The following CLVS1 variants were observed in gnomAD, a reference collection of about 807,000 sequenced individuals.
CLVS1 encodes the protein clavesin-1.
CLVS1 carries 10 observed loss-of-function variants against 33.1 expected under a neutral mutation model. That is an observed-to-expected ratio of 0.30 (90% CI 0.19 to 0.51). The LOEUF (loss-of-function observed/expected upper bound fraction) is 0.51, where lower values mean the gene tolerates loss of function less well. Among genes scored for constraint, CLVS1 ranks in the 20% least tolerant of loss-of-function variants. The pLI is 0.97. For synonymous variants in CLVS1, 163 were observed against 166.1 expected (o/e 0.98, Z 0.14); for missense variants, 343 against 433.4 (o/e 0.79, Z 1.85).
At chr8:61,021,523 T>TC in the CLVS1 span, among the ~76,000 whole-genome samples, 1 of 151,636 alleles carries the variant, frequency 6.6e-6, no homozygotes, top group African/African-American at 2.4e-5. Context: ...GCTAATTTTT[T>TC]TTTTTTTTTT....
At chr8:61,272,296 G>T (rs893265628) in intron 2 of CLVS1, among the ~76,000 whole-genome samples, 3 of 152,172 alleles carry the variant, frequency 2.0e-5, no homozygotes, top group East Asian at 1.9e-4. Flanking sequence ...GAAAATTCTT[G>T]TCTTTAAGAA....
chr8:61,308,381 T>C (rs1360724058), intron 2 of CLVS1, among the ~76,000 whole-genome samples: 1 of 151,802 alleles, frequency 6.6e-6, no homozygotes, highest in Non-Finnish European at 1.5e-5. Flanking sequence ...AGCCCCTGAG[T>C]GGTTAGATGT....
chr8:61,322,121 C>T (rs4033641), intron 2 of CLVS1, among the ~76,000 whole-genome samples: 2 of 152,124 alleles, frequency 1.3e-5, no homozygotes, highest in Non-Finnish European at 2.9e-5. Context: ...ACCAAGTACC[C>T]TAAACATCCC....
intron 1 of CLVS1, among the ~76,000 whole-genome samples, chr8:61,291,694 C>G (rs147367827): frequency 6.6e-6 from 1 of 152,292 alleles, no homozygotes; most frequent in African/African-American, 2.4e-5. Context: ...CCCTCCCTCT[C>G]TCTAAATTTC....
At chr8:61,220,374 T>C (rs1001882600) in intron 2 of CLVS1, among the ~76,000 whole-genome samples, 1 of 152,200 alleles carries the variant, frequency 6.6e-6, no homozygotes, top group Non-Finnish European at 1.5e-5. Context: ...GTTTTCTTCA[T>C]ATAGCTAGCC....
rs1006309824 is a variant in CLVS1 at position 61,069,110 on chromosome 8, G to T, written c.-243+11880G>T. ...GCCTCCCAAGTAGTTGGAATTATAG[G>T]TGCGCACCATCATGCTTGGCTAATT... On this transcript the variant is annotated intron_variant, in intron 1 of 2. Coordinates refer to the CLVS1 transcript ENST00000522621. 3.9e-5 allele frequency among the ~76,000 whole-genome samples: 6 copies of T among 152,222 alleles called. No homozygotes were observed. In the Middle Eastern group the frequency reaches 0.017, roughly 431 times the overall value.
chr8:61,499,816 T>C lies in CLVS1; in HGVS notation c.*274T>C, dbSNP rs748465535. The stretch of plus-strand genomic sequence containing the variant: ...AAGATTCTCCCTCCTTTCATATTTA[T>C]TGTAGTAAATTGAAAAAATAAAGAC... On this transcript the variant is annotated 3_prime_UTR_variant, in exon 6 of 6. Coordinates refer to ENST00000325897, the MANE Select transcript of CLVS1 (RefSeq NM_173519.3). The C allele has an allele frequency of 7.9e-6, 2 of 251,928 alleles. No individual in the cohort carries two copies. Among genetic ancestry groups the C allele is most frequent in the East Asian group, 1.4e-4 (2 of 14,522 alleles). The allele number at this position is 251,928 out of a possible 1,614,324, so 15.6% of individuals were successfully genotyped here. A position where few individuals can be genotyped will look rare whatever the true frequency, so the allele number is the denominator to read the frequency against.
chr8:60,990,685 A>G, the CLVS1 span, among the ~76,000 whole-genome samples: 1 of 151,690 alleles, frequency 6.6e-6, no homozygotes, highest in East Asian at 1.9e-4. Flanking sequence ...CTTATTCATC[A>G]CCTATATTAA....
chr8:61,385,035 G>A (rs913811965), intron 3 of CLVS1, among the ~76,000 whole-genome samples: 6 of 152,130 alleles, frequency 3.9e-5, no homozygotes, highest in African/African-American at 1.4e-4. Context: ...AGATAACTCT[G>A]CTAAGAAATG....
intron 1 of CLVS1, among the ~76,000 whole-genome samples, chr8:61,068,229 G>GTATATA (rs201671807): frequency 5.0e-5 from 5 of 101,004 alleles, no homozygotes; most frequent in African/African-American, 1.1e-4. Context: ...GTATGTATGT[G>GTATATA]TATATATATA....
intron 3 of CLVS1, among the ~76,000 whole-genome samples, chr8:61,423,189 C>T (rs530967943): frequency 3.6e-4 from 55 of 152,276 alleles, no homozygotes; most frequent in African/African-American, 1.3e-3. Flanking sequence ...CACCTCAACC[C>T]CTGGGCTTTT....
the CLVS1 span, among the ~76,000 whole-genome samples, chr8:60,969,582 A>T: frequency 1.3e-5 from 2 of 152,108 alleles, no homozygotes; most frequent in Non-Finnish European, 1.5e-5. Context: ...TCAGTTTTTA[A>T]GGTTTCTCTG....
At chr8:61,179,557 T>C (rs1397368418) in intron 2 of CLVS1, among the ~76,000 whole-genome samples, 1 of 152,190 alleles carries the variant, frequency 6.6e-6, no homozygotes. Flanking sequence ...CAGTGCCACA[T>C]GGAACTTATT....
chr8:61,328,011 T>C (rs1349341286), intron 2 of CLVS1, among the ~76,000 whole-genome samples: 1 of 152,236 alleles, frequency 6.6e-6, no homozygotes, highest in Non-Finnish European at 1.5e-5. Flanking sequence ...GCAGCTACCA[T>C]GTTTTTGCAT....
intron 2 of CLVS1, among the ~76,000 whole-genome samples, chr8:61,250,053 T>C (rs757676029): frequency 1.8e-4 from 27 of 152,156 alleles, no homozygotes; most frequent in Non-Finnish European, 3.5e-4. Flanking sequence ...TTTTAAGTCT[T>C]ACATTTAAGT....
At chr8:61,010,799 A>G in the CLVS1 span, among the ~76,000 whole-genome samples, 4 of 152,114 alleles carry the variant, frequency 2.6e-5, no homozygotes, top group Non-Finnish European at 5.9e-5. Context: ...CTCTGGCACA[A>G]TCCTCTCAGG....
Position 61,367,074 on chromosome 8 carries a change from A to G in CLVS1, c.456-9531A>G, listed in dbSNP as rs539274634. Among the ~76,000 whole-genome samples the G allele has an allele frequency of 2.6e-5, 4 of 152,050 alleles. No individual in the cohort carries two copies. The South Asian group carries it at 6.2e-4, about 24-fold the overall frequency. On this transcript the variant is annotated intron_variant, in intron 2 of 5. Transcript: ENST00000325897. The stretch of plus-strand genomic sequence containing the variant: ...ACCTAAGTCCTGGCTACTATCCTTC[A>G]TGGTTCCTCCCACATCTCTATTATT...
chr8:61,289,298 A>G (rs972766330), intron 1 of CLVS1, among the ~76,000 whole-genome samples: 2 of 152,234 alleles, frequency 1.3e-5, no homozygotes, highest in African/African-American at 4.8e-5. Flanking sequence ...TTAGAGTGCT[A>G]TCATTTTCTA....
rs138095808 is a variant in CLVS1, at chr8:61,394,286, C to T, written c.630+17507C>T. ...GAGTTGGTTGGCCCAGGAGGTGGCA[C>T]TTTCAAGAGAGCACCAGTTGTGGTA... On this transcript the variant is annotated intron_variant, in intron 3 of 5. Transcript: ENST00000325897. 8.6e-3 allele frequency among the ~76,000 whole-genome samples: 1,308 copies of T among 152,272 alleles called. 20 individuals carry two copies. Among genetic ancestry groups the T allele is most frequent in the African/African-American group, 0.029 (1,221 of 41,548 alleles).
Sources: gnomAD v4.1 joint callset for allele counts (sites outside exome capture counted in the v4.1 genomes callset) on GRCh38, gnomAD v4.1.1 for gene constraint, MANE v1.5 for transcripts, NCBI Gene and HGNC (gene_info 2026-07-23, HGNC 2026-07-21) for gene names.